The following MCC variants were observed in gnomAD, a reference collection of about 807,000 sequenced individuals.
MCC encodes MCC regulator of Wnt signaling pathway.
In MCC, 90 loss-of-function variants were observed where a neutral mutation model predicts 116.2. The ratio of observed to expected loss-of-function variants is 0.77; its 90% CI spans 0.65 to 0.92. The LOEUF (loss-of-function observed/expected upper bound fraction) is 0.92, where lower values mean the gene tolerates loss of function less well. Ranked by LOEUF, MCC falls within the 40% of genes least tolerant of loss-of-function variation. MCC has a pLI of 0.00. For synonymous variants in MCC, 578 were observed against 510.5 expected (o/e 1.13, Z -1.78); for missense variants, 1,516 against 1,312.2 (o/e 1.16, Z -2.40).
At chr5:113,324,088 C>G (rs1767488351) in intron 3 of MCC, among the ~76,000 whole-genome samples, 1 of 152,122 alleles carries the variant, frequency 6.6e-6, no homozygotes. Flanking sequence ...CTGGTATGGC[C>G]TCTGCGGTGT....
At chr5:113,243,412 A>T (rs1419846161) in intron 3 of MCC, among the ~76,000 whole-genome samples, 2 of 152,176 alleles carry the variant, frequency 1.3e-5, no homozygotes, top group Non-Finnish European at 2.9e-5. Context: ...AACCCTTCAC[A>T]CGTACAGGAC....
At chr5:113,181,526 G>A (rs1761628066) in intron 3 of MCC, among the ~76,000 whole-genome samples, 2 of 152,150 alleles carry the variant, frequency 1.3e-5, no homozygotes. Flanking sequence ...CTATACAAAG[G>A]AGAGATAATG....
chr5:113,088,543 T>G (rs60643792), intron 8 of MCC, among the ~76,000 whole-genome samples: 1 of 151,742 alleles, frequency 6.6e-6, no homozygotes, highest in African/African-American at 2.4e-5. Context: ...GTGGGCCCTA[T>G]GTGCAATGAC....
intron 2 of MCC, among the ~76,000 whole-genome samples, chr5:113,368,419 TTTTC>T (rs1204913172): frequency 6.6e-6 from 1 of 152,192 alleles, no homozygotes; most frequent in African/African-American, 2.4e-5. Context: ...TTTCCCTTTG[TTTTC>T]TTTGTTTACT....
At chr5:113,240,015 A>G (rs2150338584) in intron 3 of MCC, among the ~76,000 whole-genome samples, 1 of 152,316 alleles carries the variant, frequency 6.6e-6, no homozygotes, top group East Asian at 1.9e-4. Flanking sequence ...TGCCTTTTTG[A>G]AAAGTCCAAA....
intron 3 of MCC, chr5:113,269,046 G>C: frequency 2.1e-6 from 1 of 469,296 alleles, no homozygotes; most frequent in Non-Finnish European, 2.8e-6. Flanking sequence ...TAGAAACTAA[G>C]AAGGCAGCAG....
intron 6 of MCC, among the ~76,000 whole-genome samples, chr5:113,121,533 C>A (rs1757735579): frequency 6.6e-6 from 1 of 152,204 alleles, no homozygotes; most frequent in South Asian, 2.1e-4. Context: ...ACTGATCCTC[C>A]AGCTCTGAGG....
rs1202699108 is a variant in MCC, at chr5:113,024,140, G to A, written c.*3162C>T. ...AGAATGTCAAGGCTCTGACTTAGAA[G>A]AGGTCCCTCTAAAATATTGCTGCAG... On this transcript the variant is annotated 3_prime_UTR_variant, in exon 19 of 19. Coordinates refer to ENST00000408903, the MANE Select transcript of MCC (RefSeq NM_001085377.2). The A allele has an allele frequency of 4.6e-5, 7 of 151,770 alleles. No homozygotes were observed. The highest frequency in any genetic ancestry group is 4.6e-4 in the Admixed American group (7 of 15,272). The allele number at this position is 151,770 out of a possible 1,614,324, so 9.4% of individuals were successfully genotyped here. A position where few individuals can be genotyped will look rare whatever the true frequency, so the allele number is the denominator to read the frequency against.
intron 17 of MCC, among the ~76,000 whole-genome samples, chr5:113,030,004 T>C (rs905060645): frequency 6.6e-6 from 1 of 152,222 alleles, no homozygotes; most frequent in Non-Finnish European, 1.5e-5. Flanking sequence ...TAGTGACTGT[T>C]AAAACAGCTT....
In MCC at chr5:113,048,960, T is replaced by G. The variant is rs77325184; in HGVS notation, c.2655+133A>C. 1,912 of 794,156 alleles carry G rather than the reference T, an allele frequency of 2.4e-3. 30 individuals are homozygous for G. The African/African-American group carries it at 0.03, about 12-fold the overall frequency. The allele number at this position is 794,156 out of a possible 1,614,324, so 49.2% of individuals were successfully genotyped here. On this transcript the variant is annotated intron_variant, in intron 16 of 18. Transcript: ENST00000408903. ...TCAAAATGTCACCTTCTTAGATACC[T>G]ACGAATGGCCTGCATTTCCTATGCA...
intron 3 of MCC, among the ~76,000 whole-genome samples, chr5:113,241,290 T>C (rs549917749): frequency 3.9e-5 from 6 of 152,122 alleles, no homozygotes; most frequent in Admixed American, 1.3e-4. Flanking sequence ...ATTAAAGAAA[T>C]AGCTAAGGGC....
At chr5:113,447,882 C>T (rs1369941815) in intron 1 of MCC, among the ~76,000 whole-genome samples, 1 of 152,066 alleles carries the variant, frequency 6.6e-6, no homozygotes, top group East Asian at 1.9e-4. Context: ...AAAGGTCCAG[C>T]TGCCTCATTC....
At chr5:113,091,910 AACACAC>A (rs140237354) in intron 8 of MCC, among the ~76,000 whole-genome samples, 3 of 147,108 alleles carry the variant, frequency 2.0e-5, no homozygotes, top group African/African-American at 7.9e-5. Context: ...ACACCACACA[AACACAC>A]ACACACACAC....
In MCC at chr5:113,084,156, G is replaced by C. The variant is rs1228413041; in HGVS notation, c.1580C>G (p.Ser527Cys). ...TGGCCGATCAGATGATGACGATTCG[G>C]ACCTTGTCTTTGATAGCTTCACCCT... ...AERVKLSKTR[S>C]ESSSSDRPVL... The change falls in exon 10 of 19, where the codon TCC becomes TGC. Residue 527 changes from serine (S) to cysteine (C), a missense_variant. By Grantham distance (112) the Ser-to-Cys change is moderately radical. Coordinates refer to ENST00000408903, the MANE Select transcript of MCC (RefSeq NM_001085377.2). The C allele has an allele frequency of 2.5e-6, 4 of 1,614,014 alleles. No homozygotes were observed. The highest frequency in any genetic ancestry group is 1.6e-4 in the Middle Eastern group (1 of 6,084).
chr5:113,243,472 A>C (rs1402118361), intron 3 of MCC, among the ~76,000 whole-genome samples: 1 of 152,216 alleles, frequency 6.6e-6, no homozygotes, highest in Non-Finnish European at 1.5e-5. Context: ...AGAACTCTGT[A>C]GTATGAATAC....
intron 8 of MCC, among the ~76,000 whole-genome samples, chr5:113,097,981 G>A (rs1756136386): frequency 6.6e-6 from 1 of 152,216 alleles, no homozygotes; most frequent in African/African-American, 2.4e-5. Flanking sequence ...GTAGAGCACA[G>A]TGTGTAAAGA....
chr5:113,169,311 A>C (rs1026603351), intron 3 of MCC, among the ~76,000 whole-genome samples: 2 of 152,104 alleles, frequency 1.3e-5, no homozygotes, highest in African/African-American at 4.8e-5. Flanking sequence ...AAATAATAAT[A>C]AGCAAATTAA....
chr5:113,358,800 T>C lies in MCC; in HGVS notation c.416-18070A>G, dbSNP rs577986566. 5.9e-5 allele frequency among the ~76,000 whole-genome samples: 9 copies of C among 152,322 alleles called. No individual in the cohort carries two copies. The East Asian group carries it at 1.5e-3, about 26-fold the overall frequency. The stretch of plus-strand genomic sequence containing the variant: ...ATACTGACATCAACAGAAGCAGCAG[T>C]AAATCGCTTAGTCCACAACAGAATC... On this transcript the variant is annotated intron_variant, in intron 2 of 18. Transcript: ENST00000408903.
intron 1 of MCC, among the ~76,000 whole-genome samples, chr5:113,425,107 A>T (rs1186174056): frequency 6.6e-6 from 1 of 152,178 alleles, no homozygotes; most frequent in Non-Finnish European, 1.5e-5. Flanking sequence ...GACATGAAAT[A>T]TCAGAACATT....
Sources: allele counts gnomAD v4.1 joint callset (sites outside exome capture counted in the v4.1 genomes callset), GRCh38; gene constraint gnomAD v4.1.1; transcripts MANE v1.5; gene names NCBI Gene and HGNC (gene_info 2026-07-23, HGNC 2026-07-21).